NELL1: variants seen among roughly 807,000 people sequenced by gnomAD.
NELL1 encodes the protein protein kinase C-binding protein NELL1.
NELL1 carries 76 observed loss-of-function variants against 107.4 expected under a neutral mutation model. The ratio of observed to expected loss-of-function variants is 0.71; its 90% confidence interval spans 0.59 to 0.86. The LOEUF is 0.86. Among genes scored for constraint, NELL1 ranks in the 40% least tolerant of loss-of-function variants. NELL1 has a pLI of 0.00. For missense variants in NELL1, 1,024 were observed against 1,005.5 expected (o/e 1.02, Z -0.25); for synonymous variants, 353 against 341.2 (o/e 1.03, Z -0.38).
chr11:20,748,193 C>T (rs1856046457), intron 2 of NELL1, among the ~76,000 whole-genome samples: 1 of 152,072 alleles, frequency 6.6e-6, no homozygotes, highest in African/African-American at 2.4e-5. Flanking sequence ...GGATAGACCA[C>T]CTAAGAATCA....
chr11:20,749,965 G>A (rs1856095761), intron 2 of NELL1, among the ~76,000 whole-genome samples: 2 of 152,098 alleles, frequency 1.3e-5, no homozygotes, highest in Non-Finnish European at 2.9e-5. Flanking sequence ...TAAATATTTA[G>A]GAGTGGAATT....
chr11:21,161,468 A>G (rs1213763310), intron 13 of NELL1, among the ~76,000 whole-genome samples: 2 of 152,026 alleles, frequency 1.3e-5, no homozygotes, highest in East Asian at 3.9e-4. Flanking sequence ...GCCTGGGAGG[A>G]GGAGGTTTCA....
intron 12 of NELL1, among the ~76,000 whole-genome samples, chr11:21,055,752 C>T (rs1176679835): frequency 6.6e-6 from 1 of 152,124 alleles, no homozygotes; most frequent in East Asian, 1.9e-4. Context: ...CAAGGCAAAA[C>T]ACTGGGTCAT....
At chr11:21,119,561 G>C (rs1855317225) in intron 13 of NELL1, among the ~76,000 whole-genome samples, 2 of 152,086 alleles carry the variant, frequency 1.3e-5, no homozygotes, top group African/African-American at 4.8e-5. Context: ...TTTTTTGTAG[G>C]GAAGTCTCCC....
intron 13 of NELL1, among the ~76,000 whole-genome samples, chr11:21,123,199 AT>A (rs1378687052): frequency 6.6e-6 from 1 of 152,198 alleles, no homozygotes; most frequent in East Asian, 1.9e-4. Flanking sequence ...TTCATAAAAT[AT>A]ACCTTAGAAA....
intron 14 of NELL1, among the ~76,000 whole-genome samples, chr11:21,237,046 C>T (rs1286038608): frequency 6.6e-6 from 1 of 152,066 alleles, no homozygotes; most frequent in African/African-American, 2.4e-5. Context: ...TTTATTATAG[C>T]TTTTTACCCC....
intron 15 of NELL1, among the ~76,000 whole-genome samples, chr11:21,477,843 A>C (rs983079337): frequency 6.7e-6 from 1 of 149,266 alleles, no homozygotes; most frequent in Non-Finnish European, 1.5e-5. Flanking sequence ...TATATAAATA[A>C]AAATTATAAT....
chr11:21,195,545 C>A (rs1204275296), intron 13 of NELL1, among the ~76,000 whole-genome samples: 1 of 126,946 alleles, frequency 7.9e-6, no homozygotes, highest in Non-Finnish European at 1.6e-5. Flanking sequence ...ATATAATTTT[C>A]TGTTAGCCAC....
intron 14 of NELL1, among the ~76,000 whole-genome samples, chr11:21,310,077 A>G (rs1195933842): frequency 1.3e-5 from 2 of 152,092 alleles, no homozygotes; most frequent in Non-Finnish European, 2.9e-5. Context: ...TAGATGAATT[A>G]TTTTTTAACC....
At chr11:20,851,144 G>A (rs189186401) in intron 4 of NELL1, among the ~76,000 whole-genome samples, 2 of 152,164 alleles carry the variant, frequency 1.3e-5, no homozygotes, top group Admixed American at 1.3e-4. Context: ...AAATCGAGAA[G>A]AAATTTCCCA....
At chr11:21,010,548 G>A (rs940244244) in intron 12 of NELL1, among the ~76,000 whole-genome samples, 3 of 152,062 alleles carry the variant, frequency 2.0e-5, no homozygotes, top group South Asian at 2.1e-4. Flanking sequence ...CTGAAGACAC[G>A]TTAATTTACA....
chr11:21,199,969 C>A (rs192277965), intron 13 of NELL1, among the ~76,000 whole-genome samples: 2 of 152,132 alleles, frequency 1.3e-5, no homozygotes, highest in African/African-American at 4.8e-5. Context: ...CTGCAAATGA[C>A]GTGAACCCAT....
chr11:21,223,581 T>C (rs1202601896), intron 13 of NELL1, among the ~76,000 whole-genome samples: 2 of 152,222 alleles, frequency 1.3e-5, no homozygotes, highest in African/African-American at 2.4e-5. Flanking sequence ...TATTGATAGA[T>C]GAGTACTTAC....
At chr11:21,090,483 C>A (rs1854495989) in intron 12 of NELL1, among the ~76,000 whole-genome samples, 1 of 152,132 alleles carries the variant, frequency 6.6e-6, no homozygotes, top group Non-Finnish European at 1.5e-5. Flanking sequence ...GTATTTCTAA[C>A]AAGCAGCAGT....
intron 3 of NELL1, among the ~76,000 whole-genome samples, chr11:20,837,496 A>G (rs1848554915): frequency 6.6e-6 from 1 of 152,204 alleles, no homozygotes; most frequent in Non-Finnish European, 1.5e-5. Flanking sequence ...TGTAGCCATG[A>G]GCACACATAG....
At chr11:21,328,122 G>A (rs186104826) in intron 14 of NELL1, among the ~76,000 whole-genome samples, 29 of 152,292 alleles carry the variant, frequency 1.9e-4, no homozygotes, top group African/African-American at 6.0e-4. Context: ...GTCTCCAGGG[G>A]TTATCAGAGA....
chr11:20,932,065 T>A (rs543648952), intron 9 of NELL1, among the ~76,000 whole-genome samples: 6 of 152,312 alleles, frequency 3.9e-5, no homozygotes, highest in African/African-American at 1.4e-4. Flanking sequence ...TATCTAAGCA[T>A]CCATGGCGGT....
intron 13 of NELL1, among the ~76,000 whole-genome samples, chr11:21,149,231 G>A (rs1856055098): frequency 6.6e-6 from 1 of 152,166 alleles, no homozygotes; most frequent in South Asian, 2.1e-4. Flanking sequence ...CCCTCTAACT[G>A]TATCATGTAG....
intron 12 of NELL1, among the ~76,000 whole-genome samples, chr11:20,992,336 G>T (rs1484873517): frequency 6.6e-6 from 1 of 152,184 alleles, no homozygotes; most frequent in Non-Finnish European, 1.5e-5. Flanking sequence ...CTGGATGCTA[G>T]GATTTGCAGT....
Sources: allele counts gnomAD v4.1 joint callset (sites outside exome capture counted in the v4.1 genomes callset), GRCh38; gene constraint gnomAD v4.1.1; transcripts MANE v1.5; gene names NCBI Gene and HGNC (gene_info 2026-07-23, HGNC 2026-07-21).